PCDHGA3: variants seen among roughly 807,000 people sequenced by gnomAD.
PCDHGA3 encodes protocadherin gamma-A3.
PCDHGA3 carries 40 observed loss-of-function variants against 58.5 expected under a neutral mutation model. The observed-to-expected ratio is 0.68, with a 90% CI of 0.53 to 0.89. PCDHGA3 has a LOEUF of 0.89. Among genes scored for constraint, PCDHGA3 ranks in the 40% least tolerant of loss-of-function variants. PCDHGA3 has a pLI of 0.00. For missense variants in PCDHGA3, 1,223 were observed against 1,195.9 expected, an observed-to-expected ratio of 1.02 and a Z score of -0.33; for synonymous variants, 530 against 525.7, an observed-to-expected ratio of 1.01 and a Z score of -0.11.
At chr5:141,418,630 A>G in intron 1 of PCDHGA3, 1 of 1,614,046 alleles carries the variant, frequency 6.2e-7, no homozygotes, top group Non-Finnish European at 8.5e-7. Context: ...ACGTGCCTCC[A>G]GGCACCTCCA....
intron 1 of PCDHGA3, among the ~76,000 whole-genome samples, chr5:141,453,692 C>G (rs1182118927): frequency 6.6e-6 from 1 of 152,146 alleles, no homozygotes; most frequent in African/African-American, 2.4e-5. Flanking sequence ...GTAGGTAGTC[C>G]TGGCTTTGAA....
chr5:141,376,438 T>C lies in PCDHGA3; in HGVS notation c.2424+29981T>C, dbSNP rs752669729. 6.2e-6 allele frequency: 10 copies of C among 1,614,058 alleles called. No homozygotes were observed. The Admixed American group carries it at 8.3e-5, about 13-fold the overall frequency. On this transcript the variant is annotated intron_variant, in intron 1 of 3. Coordinates refer to ENST00000253812, the MANE Select transcript of PCDHGA3 (RefSeq NM_018916.4). ...ACACGCTTATCAACCAGGAGAGCTA[T>C]GAGAAAAGCGAGCCTCTTCTGATAA...
At chr5:141,373,914 G>C (rs1769957437) in intron 1 of PCDHGA3, 1 of 640,042 alleles carries the variant, frequency 1.6e-6, no homozygotes, top group African/African-American at 1.9e-5. Flanking sequence ...CAACAACAAA[G>C]CAAATTAGAC....
intron 2 of PCDHGA3, among the ~76,000 whole-genome samples, chr5:141,504,359 A>C (rs988295720): frequency 2.6e-5 from 4 of 152,044 alleles, no homozygotes; most frequent in African/African-American, 9.7e-5. Flanking sequence ...TAGGTGCTTC[A>C]GTAGGAAGCA....
chr5:141,404,707 C>A, intron 1 of PCDHGA3: 1 of 1,614,122 alleles, frequency 6.2e-7, no homozygotes, highest in South Asian at 1.1e-5. Flanking sequence ...CAGAGCCTGG[C>A]TACCTGGTGA....
rs758172004 is a variant in PCDHGA3, at chr5:141,477,909, C to T, written c.2425-16898C>T. On this transcript the variant is annotated intron_variant, in intron 1 of 3. Transcript: ENST00000253812. This position sits in a 1 kb window ranked among gnomAD's most constrained non-coding sequence, Gnocchi z 4.9. ...GTGTCACGGGTGGTAGGCTGGGACGCGGATGCAGGGCACAATGCCTGGCTC... is the reference window on the plus strand; with the variant it reads ...GTGTCACGGGTGGTAGGCTGGGACGTGGATGCAGGGCACAATGCCTGGCTC... 2 of 1,614,166 alleles carry T rather than the reference C, an allele frequency of 1.2e-6. No individual in the cohort carries two copies. Among genetic ancestry groups the T allele is most frequent in the Admixed American group, 1.7e-5 (1 of 60,016 alleles).
At chr5:141,420,406 T>C (rs2096494414) in intron 1 of PCDHGA3, 1 of 1,241,672 alleles carries the variant, frequency 8.1e-7, no homozygotes, top group Non-Finnish European at 1.1e-6. Context: ...AATTTATGGT[T>C]ATCATTATTA....
intron 1 of PCDHGA3, chr5:141,413,119 G>C: frequency 6.6e-7 from 1 of 1,522,222 alleles, no homozygotes; most frequent in Non-Finnish European, 8.8e-7. Flanking sequence ...AAAGGAACCG[G>C]TTGAAACACA....
Position 141,447,603 on chromosome 5 carries a change from T to G in PCDHGA3, c.2425-47204T>G, listed in dbSNP as rs146950525. On this transcript the variant is annotated intron_variant, in intron 1 of 3. Transcript: ENST00000253812. ...ATACCTTAAACATCCTATAGAGTCC[T>G]TAGCATTTTAAAGTTGAAACCAACA... Among the ~76,000 whole-genome samples, 378 of 152,270 alleles carry G rather than the reference T, an allele frequency of 2.5e-3. 1 individual carries two copies. Among genetic ancestry groups the G allele is most frequent in the Non-Finnish European group, 4.5e-3 (309 of 68,030 alleles).
intron 1 of PCDHGA3, among the ~76,000 whole-genome samples, chr5:141,401,772 G>T (rs756327304): frequency 6.6e-6 from 1 of 152,126 alleles, no homozygotes; most frequent in Non-Finnish European, 1.5e-5. Context: ...TAAGTCTTTT[G>T]CTTGGTTTCC....
rs774242856 is a variant in PCDHGA3 at position 141,346,242 on chromosome 5, G to T, written c.2209G>T (p.Gly737Cys). Residue 737 changes from glycine to cysteine, a missense_variant, in exon 1 of 4, where the codon GGC (glycine) becomes TGC (cysteine). By Grantham distance (159) the Gly-to-Cys change is radical (BLOSUM62 -3). Transcript: ENST00000253812. ...ASGGGLASTP[G>C]SHFVGADGVR... The stretch of plus-strand genomic sequence containing the variant: ...GGGAGGCGGCTTGGCGAGTACGCCC[G>T]GCTCGCACTTTGTGGGCGCGGACGG... 1.2e-6 allele frequency: 2 copies of T among 1,614,180 alleles called. No homozygotes were observed. The highest frequency in any genetic ancestry group is 1.1e-5 in the South Asian group (1 of 91,084).
chr5:141,485,362 G>T lies in PCDHGA3; in HGVS notation c.2425-9445G>T. 6.2e-7 allele frequency: 1 copy of T among 1,614,144 alleles called. No individual in the cohort carries two copies. ...ATACGGACAGTCTGTCAGCTCGCAG[G>T]CTGCAGGTCGCTGGAGAGGTGAACC... is the stretch of plus-strand genomic sequence containing the variant. On this transcript the variant is annotated intron_variant, in intron 1 of 3. Coordinates refer to ENST00000253812, the MANE Select transcript of PCDHGA3 (RefSeq NM_018916.4). The surrounding 1 kb of genome is among the most constrained non-coding windows in gnomAD (Gnocchi z 5.7).
rs775772837 is a variant in PCDHGA3 at position 141,344,854 on chromosome 5, A to G, written c.821A>G (p.Asn274Ser). ...VNATDPDEGF[N>S]AQVSYILDKM... ...GCCACTGACCCTGACGAGGGATTCA[A>G]TGCTCAAGTGTCTTATATTCTAGAT... The change falls in exon 1 of 4, where the codon AAT becomes AGT. Residue 274 changes from asparagine to serine, a missense_variant. Coordinates refer to ENST00000253812, the MANE Select transcript of PCDHGA3 (RefSeq NM_018916.4). 9 of 1,613,994 alleles carry G rather than the reference A, an allele frequency of 5.6e-6. No homozygotes were observed. The highest frequency in any genetic ancestry group is 1.6e-4 in the Middle Eastern group (1 of 6,062).
At chr5:141,418,095 C>A (rs1246996867) in intron 1 of PCDHGA3, 1 of 1,614,006 alleles carries the variant, frequency 6.2e-7, no homozygotes, top group Middle Eastern at 1.7e-4. Context: ...AGCGTAGACG[C>A]GCAGAGCGGG....
At chr5:141,498,709 A>G (rs1245852373) in intron 2 of PCDHGA3, among the ~76,000 whole-genome samples, 2 of 152,148 alleles carry the variant, frequency 1.3e-5, no homozygotes, top group African/African-American at 4.8e-5. Context: ...AGGTGGGTGG[A>G]TCACCTGAGG....
intron 1 of PCDHGA3, chr5:141,396,613 C>G (rs1283036515): frequency 6.6e-6 from 1 of 151,276 alleles, no homozygotes; most frequent in Non-Finnish European, 1.5e-5. Context: ...GGGTGAGACT[C>G]CGTCTCAAAA....
chr5:141,421,353 G>T, intron 1 of PCDHGA3: 1 of 1,613,998 alleles, frequency 6.2e-7, no homozygotes, highest in Non-Finnish European at 8.5e-7. Context: ...AGACCGAAAA[G>T]GGCTCCTTCG....
chr5:141,400,483 C>T (rs748464990), intron 1 of PCDHGA3: 1 of 1,614,020 alleles, frequency 6.2e-7, no homozygotes, highest in South Asian at 1.1e-5. Flanking sequence ...GGCCTTATTT[C>T]CACTTTGTAA....
intron 1 of PCDHGA3, among the ~76,000 whole-genome samples, chr5:141,358,289 G>T (rs1428102148): frequency 6.6e-6 from 1 of 152,214 alleles, no homozygotes; most frequent in Non-Finnish European, 1.5e-5. Context: ...GAAGGCAATT[G>T]TGTAAATTCA....
Sources: gnomAD v4.1 joint callset for allele counts (sites outside exome capture counted in the v4.1 genomes callset) on GRCh38, gnomAD v4.1.1 for gene constraint, Gnocchi (gnomAD v3.1) non-coding constraint, MANE v1.5 for transcripts, NCBI Gene and HGNC (gene_info 2026-07-23, HGNC 2026-07-21) for gene names.